SEMA3E: variants seen among roughly 807,000 people sequenced by gnomAD.
The protein encoded by SEMA3E is semaphorin-3E.
In SEMA3E, 49 loss-of-function variants were observed where a neutral mutation model predicts 93.6. The observed-to-expected ratio is 0.52, with a 90% confidence interval of 0.42 to 0.66. The LOEUF (loss-of-function observed/expected upper bound fraction) is 0.66. SEMA3E is among the 30% of genes least tolerant of loss of function. The pLI is 0.00. For synonymous variants in SEMA3E, 363 were observed against 330.7 expected (o/e 1.10, Z -1.06); for missense variants, 906 against 964.8 (o/e 0.94, Z 0.81).
intron 16 of SEMA3E, among the ~76,000 whole-genome samples, chr7:83,376,449 C>T (rs1220589168): frequency 2.6e-5 from 4 of 152,098 alleles, no homozygotes; most frequent in South Asian, 2.1e-4. Flanking sequence ...GTCTCCATAA[C>T]GCATTGAATT....
rs1305054332 is a variant in SEMA3E, at chr7:83,363,437, T to G, written c.*4149A>C. 6.6e-6 allele frequency: 1 copy of G among 152,118 alleles called. No homozygotes were observed. The highest frequency in any genetic ancestry group is 2.4e-5 in the African/African-American group (1 of 41,408). The allele number at this position is 152,118 out of a possible 1,614,324, so 9.4% of individuals were successfully genotyped here. A position where few individuals can be genotyped will look rare whatever the true frequency, so the allele number is the denominator to read the frequency against. Reference sequence around the variant, plus strand: ...TGAAAAGAAAGAATATGGCACACACTGTTATGAACCCAGCCAAGCAAATAA... The same window carrying G: ...TGAAAAGAAAGAATATGGCACACACGGTTATGAACCCAGCCAAGCAAATAA... On this transcript the variant is annotated 3_prime_UTR_variant, in exon 17 of 17. Transcript: ENST00000643230.
At chr7:83,451,598 A>G (rs1789360025) in intron 4 of SEMA3E, among the ~76,000 whole-genome samples, 4 of 152,144 alleles carry the variant, frequency 2.6e-5, no homozygotes, top group African/African-American at 9.7e-5. Context: ...TGCCAGGTGG[A>G]GATGGCAAAC....
intron 4 of SEMA3E, among the ~76,000 whole-genome samples, chr7:83,430,213 C>G (rs1453307021): frequency 6.6e-6 from 1 of 151,858 alleles, no homozygotes; most frequent in African/African-American, 2.4e-5. Flanking sequence ...GCTTGTAATC[C>G]CAGCACTTTG....
intron 12 of SEMA3E, among the ~76,000 whole-genome samples, chr7:83,396,318 G>A (rs1452397012): frequency 1.4e-5 from 2 of 147,914 alleles, no homozygotes; most frequent in Admixed American, 1.3e-4. Context: ...ATTTTTTTTT[G>A]TCAGTATTGA....
At chr7:83,600,770 G>A (rs909025762) in intron 1 of SEMA3E, among the ~76,000 whole-genome samples, 1 of 151,928 alleles carries the variant, frequency 6.6e-6, no homozygotes, top group Non-Finnish European at 1.5e-5. Flanking sequence ...AGAAATGGGT[G>A]GAACGTGATG....
chr7:83,405,960 A>G lies in SEMA3E; in HGVS notation c.913T>C (p.Tyr305His). The part of the protein sequence containing the change: ...SVPGMNGIDT[Y>H]FDELEDVFLL... Reference sequence around the variant, plus strand: ...AAACATTTACCTAATTCATCAAAATATGTGTCAATTCCATTCATTCCTGGT... The same window carrying G: ...AAACATTTACCTAATTCATCAAAATGTGTGTCAATTCCATTCATTCCTGGT... The change falls in exon 8 of 17, where the codon TAT becomes CAT. Residue 305 changes from tyrosine to histidine, a missense_variant. By Grantham distance (83) the Tyr-to-His change is moderately conservative. Transcript: ENST00000643230. 1 of 1,611,648 alleles carries G rather than the reference A, an allele frequency of 6.2e-7. No homozygotes were observed. Among genetic ancestry groups the G allele is most frequent in the Non-Finnish European group, 8.5e-7 (1 of 1,177,994 alleles).
intron 4 of SEMA3E, among the ~76,000 whole-genome samples, chr7:83,455,951 G>A (rs898966724): frequency 8.5e-5 from 13 of 152,168 alleles, no homozygotes; most frequent in Admixed American, 2.6e-4. Context: ...TTTCAGCCTT[G>A]GGAGACCTTT....
At chr7:83,468,000 T>C (rs1433825512) in intron 3 of SEMA3E, among the ~76,000 whole-genome samples, 3 of 152,188 alleles carry the variant, frequency 2.0e-5, no homozygotes, top group Admixed American at 2.0e-4. Context: ...AAAAATAAAT[T>C]ATGAAATAAA....
chr7:83,641,641 T>C (rs1298148543), intron 1 of SEMA3E, among the ~76,000 whole-genome samples: 3 of 152,184 alleles, frequency 2.0e-5, no homozygotes, highest in African/African-American at 7.2e-5. Flanking sequence ...TCAATATTCT[T>C]TGCTCCTTCT....
chr7:83,377,542 T>G (rs527689412), intron 16 of SEMA3E, among the ~76,000 whole-genome samples: 1 of 152,018 alleles, frequency 6.6e-6, no homozygotes, highest in Non-Finnish European at 1.5e-5. Flanking sequence ...AGGGCCAGAT[T>G]TGGCCCCCAA....
chr7:83,500,164 G>A lies in SEMA3E; in HGVS notation c.116-9890C>T, dbSNP rs1049223566. Among the ~76,000 whole-genome samples, 9 of 152,298 alleles carry A rather than the reference G, an allele frequency of 5.9e-5. No individual in the cohort carries two copies. The South Asian group carries it at 1.0e-3, about 18-fold the overall frequency. ...AAAACTTACTTAAAAGAGGCCGGGCGTGGCGGCTCGCACCTGTAATCCCAA... is the reference window on the plus strand; with the variant it reads ...AAAACTTACTTAAAAGAGGCCGGGCATGGCGGCTCGCACCTGTAATCCCAA... On this transcript the variant is annotated intron_variant, in intron 1 of 16. Transcript: ENST00000643230.
intron 4 of SEMA3E, among the ~76,000 whole-genome samples, chr7:83,458,096 G>A (rs1271083732): frequency 6.6e-6 from 1 of 150,586 alleles, no homozygotes; most frequent in Non-Finnish European, 1.5e-5. Flanking sequence ...TAATTATGTG[G>A]GATATTATTT....
In SEMA3E at chr7:83,588,312, C is replaced by T. The variant is rs538024203; in HGVS notation, c.115+60116G>A. ...AGGATAATTGCATGAATCCCAGAGACGGAGTTTGCAATGAGCTGAGACCGT... is the reference window on the plus strand; with the variant it reads ...AGGATAATTGCATGAATCCCAGAGATGGAGTTTGCAATGAGCTGAGACCGT... On this transcript the variant is annotated intron_variant, in intron 1 of 16. Transcript: ENST00000643230. 6.6e-5 allele frequency among the ~76,000 whole-genome samples: 10 copies of T among 151,946 alleles called. No homozygotes were observed. The South Asian group carries it at 1.7e-3, about 25-fold the overall frequency.
chr7:83,398,594 G>A (rs1169103804), intron 11 of SEMA3E, among the ~76,000 whole-genome samples: 1 of 152,144 alleles, frequency 6.6e-6, no homozygotes, highest in East Asian at 1.9e-4. Flanking sequence ...GCCTGTACCA[G>A]AGATCAATTT....
chr7:83,636,351 C>G (rs571729932), intron 1 of SEMA3E, among the ~76,000 whole-genome samples: 30 of 152,208 alleles, frequency 2.0e-4, no homozygotes, highest in Middle Eastern at 3.4e-3. Context: ...TCTCCCAACA[C>G]TATCATTTCA....
intron 1 of SEMA3E, among the ~76,000 whole-genome samples, chr7:83,612,875 A>G (rs1793292718): frequency 6.6e-6 from 1 of 152,094 alleles, no homozygotes; most frequent in South Asian, 2.1e-4. Context: ...CAGAAAACTA[A>G]CCTGTATACC....
intron 1 of SEMA3E, among the ~76,000 whole-genome samples, chr7:83,563,567 C>G (rs1202720454): frequency 1.3e-5 from 2 of 152,240 alleles, no homozygotes; most frequent in African/African-American, 4.8e-5. Context: ...TAATCAGAAA[C>G]TTTGGAGTGG....
intron 1 of SEMA3E, among the ~76,000 whole-genome samples, chr7:83,613,053 A>G (rs1056683395): frequency 3.3e-5 from 5 of 152,120 alleles, no homozygotes; most frequent in African/African-American, 1.2e-4. Context: ...TGTATGTGAT[A>G]TATGAACAAG....
chr7:83,614,892 G>T (rs923904019), intron 1 of SEMA3E, among the ~76,000 whole-genome samples: 2 of 152,020 alleles, frequency 1.3e-5, no homozygotes, highest in Admixed American at 6.6e-5. Context: ...GCCCAAGGAA[G>T]AATTAAAAGA....
Sources: gnomAD v4.1 joint callset for allele counts (sites outside exome capture counted in the v4.1 genomes callset) on GRCh38, gnomAD v4.1.1 for gene constraint, MANE v1.5 for transcripts, NCBI Gene and HGNC (gene_info 2026-07-23, HGNC 2026-07-21) for gene names.